Variants in NEDD4L observed in about 807,000 individuals in gnomAD.
The protein encoded by NEDD4L is NEDD4 like E3 ubiquitin protein ligase.
NEDD4L carries 54 observed loss-of-function variants against 148.9 expected under a neutral mutation model. The ratio of observed to expected loss-of-function variants is 0.36; its 90% confidence interval spans 0.29 to 0.45. NEDD4L has a LOEUF of 0.45. Ranked by LOEUF, NEDD4L falls within the 20% of genes least tolerant of loss-of-function variation. The pLI, the probability that NEDD4L is intolerant of heterozygous loss-of-function variation, is 1.00. For missense variants in NEDD4L, 856 were observed against 1,233.8 expected, an observed-to-expected ratio of 0.69 and a Z score of 4.59; for synonymous variants, 433 against 440.7, an observed-to-expected ratio of 0.98 and a Z score of 0.22.
At chr18:58,049,538 G>C (rs1162773082) in intron 1 of NEDD4L, among the ~76,000 whole-genome samples, 1 of 152,204 alleles carries the variant, frequency 6.6e-6, no homozygotes, top group Non-Finnish European at 1.5e-5. Context: ...CCAAGTGCCT[G>C]TGTCGGGCCT....
At chr18:58,266,952 T>A (rs946528690) in intron 5 of NEDD4L, among the ~76,000 whole-genome samples, 5 of 152,060 alleles carry the variant, frequency 3.3e-5, no homozygotes, top group African/African-American at 1.2e-4. Context: ...CAGATAGAAA[T>A]GTTTTAAGAT....
In NEDD4L at chr18:58,351,054, G is replaced by A; in HGVS notation, c.1708+9G>A. The A allele has an allele frequency of 6.3e-7, 1 of 1,582,026 alleles. No homozygotes were observed. Among genetic ancestry groups the A allele is most frequent in the Non-Finnish European group, 8.6e-7 (1 of 1,162,478 alleles). On this transcript the variant is annotated intron_variant, in intron 18 of 30. Transcript: ENST00000400345. The stretch of plus-strand genomic sequence containing the variant: ...GTTTTATATTGATCATAGTAAGTAG[G>A]CGCTGTTATGGACACACAGGTGTTG...
rs2043899987 is a variant in NEDD4L at position 58,351,632 on chromosome 18, A to G, written c.1708+587A>G. 2.6e-5 allele frequency among the ~76,000 whole-genome samples: 4 copies of G among 152,340 alleles called. No individual in the cohort carries two copies. The South Asian group carries it at 6.2e-4, about 24-fold the overall frequency. On this transcript the variant is annotated intron_variant, in intron 18 of 30. Coordinates refer to ENST00000400345, the MANE Select transcript of NEDD4L (RefSeq NM_001144967.3). The stretch of plus-strand genomic sequence containing the variant: ...CATTCCAACTAAAAGTTCAACTAAT[A>G]AAAGTTTGCTTTTTAGCCAGTGGGA...
intron 1 of NEDD4L, chr18:58,149,618 C>A: frequency 9.1e-7 from 1 of 1,098,442 alleles, no homozygotes; most frequent in Non-Finnish European, 1.4e-6. Context: ...CTGTGGCATT[C>A]TGAAGCTCTC....
At chr18:58,181,494 C>T (rs955849902) in intron 2 of NEDD4L, among the ~76,000 whole-genome samples, 3 of 151,454 alleles carry the variant, frequency 2.0e-5, no homozygotes, top group Middle Eastern at 3.2e-3. Flanking sequence ...TGCAGTGGTG[C>T]GGCTGTAGCT....
chr18:58,063,546 C>T (rs1372872272), intron 1 of NEDD4L, among the ~76,000 whole-genome samples: 1 of 149,092 alleles, frequency 6.7e-6, no homozygotes, highest in Non-Finnish European at 1.5e-5. Context: ...TTGGGAAGAA[C>T]AATTAGTCAC....
intron 24 of NEDD4L, among the ~76,000 whole-genome samples, chr18:58,379,842 G>C (rs1034669031): frequency 7.9e-5 from 12 of 151,872 alleles, no homozygotes; most frequent in Non-Finnish European, 1.2e-4. Context: ...CGGAGGGCTC[G>C]AGCCGAGACA....
intron 5 of NEDD4L, among the ~76,000 whole-genome samples, chr18:58,252,856 G>A (rs578152439): frequency 2.6e-5 from 4 of 152,136 alleles, no homozygotes; most frequent in Non-Finnish European, 5.9e-5. Context: ...CTACAGGCAT[G>A]AGCCACCATG....
rs748936457 is a variant in NEDD4L, at chr18:58,322,410, G to GT, written c.349-9dup. ...TAGGAATATTAAAATTTAATTTACT[G>GT]TTTTTTCCCCACAGACAGAAGATCC... On this transcript the variant is annotated splice_polypyrimidine_tract_variant and intron_variant, in intron 6 of 30. Transcript: ENST00000400345. The GT allele has an allele frequency of 5.7e-6, 8 of 1,412,768 alleles. No individual in the cohort carries two copies. Among genetic ancestry groups the GT allele is most frequent in the African/African-American group, 1.5e-5 (1 of 68,964 alleles). 87.5% of individuals were successfully genotyped at this position (1,412,768 alleles called of 1,614,324 possible).
intron 13 of NEDD4L, among the ~76,000 whole-genome samples, chr18:58,338,088 G>A (rs568968276): frequency 2.0e-5 from 3 of 152,300 alleles, no homozygotes; most frequent in African/African-American, 7.2e-5. Context: ...TGAAACTTCT[G>A]CAGTTTACAA....
intron 1 of NEDD4L, among the ~76,000 whole-genome samples, chr18:58,055,240 T>G (rs535139527): frequency 1.3e-5 from 2 of 152,240 alleles, no homozygotes; most frequent in Admixed American, 1.3e-4. Context: ...GAGGATCACT[T>G]GAACCCAGGA....
intron 1 of NEDD4L, among the ~76,000 whole-genome samples, chr18:58,050,153 A>C (rs762447153): frequency 6.6e-6 from 1 of 152,164 alleles, no homozygotes; most frequent in African/African-American, 2.4e-5. Flanking sequence ...AATTTAAGGA[A>C]TAAAAATAAT....
chr18:58,125,920 G>A (rs543404323), intron 1 of NEDD4L, among the ~76,000 whole-genome samples: 2 of 152,338 alleles, frequency 1.3e-5, no homozygotes, highest in East Asian at 3.9e-4. Flanking sequence ...CTACCTCATG[G>A]ACAGGGCAGG....
At chr18:58,128,464 C>CT (rs1161796715) in intron 1 of NEDD4L, among the ~76,000 whole-genome samples, 1 of 152,208 alleles carries the variant, frequency 6.6e-6, no homozygotes, top group Non-Finnish European at 1.5e-5. Context: ...ATCGTGGCCT[C>CT]TGAGTCAATT....
intron 1 of NEDD4L, among the ~76,000 whole-genome samples, chr18:58,110,855 T>C (rs1478600354): frequency 1.3e-5 from 2 of 152,334 alleles, no homozygotes; most frequent in East Asian, 1.9e-4. Flanking sequence ...CAGACAAATA[T>C]AGCTAGGACC....
chr18:58,366,045 T>C lies in NEDD4L; in HGVS notation c.1880T>C (p.Ile627Thr). 1 of 1,613,068 alleles carries C rather than the reference T, an allele frequency of 6.2e-7. No homozygotes were observed. Among genetic ancestry groups the C allele is most frequent in the Non-Finnish European group, 8.5e-7 (1 of 1,179,466 alleles). ...GAAATGAAACTTCACAGAAATAACA[T>C]ATTTGAAGAGTCCTATCGGAGAATT... ...RFEMKLHRNNIFEESYRRIMS... is the reference protein window; with the variant it reads ...RFEMKLHRNNTFEESYRRIMS... Residue 627 changes from isoleucine (I) to threonine (T), a missense_variant, in exon 21 of 31, where the codon ATA (isoleucine) becomes ACA (threonine). By Grantham distance (89) the Ile-to-Thr change is moderately conservative. Around this residue, in one of 4 missense-constraint regions of NEDD4L, gnomAD observed 286 missense variants for 531.8 expected, o/e 0.54. Transcript: ENST00000400345. The surrounding 1 kb of genome is among the most constrained non-coding windows in gnomAD (Gnocchi z 4.2).
chr18:58,228,356 C>A (rs1401321293), intron 2 of NEDD4L, among the ~76,000 whole-genome samples: 2 of 152,166 alleles, frequency 1.3e-5, no homozygotes, highest in Non-Finnish European at 2.9e-5. Context: ...ACGTGCATGC[C>A]AGGTGGGGGG....
At chr18:58,184,372 A>T (rs1380119490) in intron 2 of NEDD4L, among the ~76,000 whole-genome samples, 2 of 151,990 alleles carry the variant, frequency 1.3e-5, no homozygotes, top group Non-Finnish European at 2.9e-5. Context: ...AATGGAGCAG[A>T]GATGGTTTTG....
At chr18:58,267,580 G>A (rs1015718626) in intron 5 of NEDD4L, among the ~76,000 whole-genome samples, 6 of 152,020 alleles carry the variant, frequency 3.9e-5, no homozygotes, top group Admixed American at 3.3e-4. Context: ...TACCAGGAAA[G>A]ATCATGGATT....
Sources: gnomAD v4.1 joint callset for allele counts (sites outside exome capture counted in the v4.1 genomes callset) on GRCh38, gnomAD v4.1.1 for gene constraint, gnomAD v4.1.1 regional missense constraint, Gnocchi (gnomAD v3.1) non-coding constraint, MANE v1.5 for transcripts, NCBI Gene and HGNC (gene_info 2026-07-23, HGNC 2026-07-21) for gene names.